Variants in IHO1 observed in about 807,000 individuals in gnomAD.
IHO1 encodes the protein interactor of HORMAD1 1, also known as interactor of HORMAD1 protein 1.
Under a neutral mutation model 31.0 loss-of-function variants are expected in IHO1, and 13 were observed. The observed-to-expected ratio is 0.42, with a 90% CI of 0.27 to 0.67. IHO1 has a LOEUF of 0.67. IHO1 is among the 30% of genes least tolerant of loss of function. The pLI is 0.24. For synonymous variants in IHO1, 221 were observed against 248.4 expected (o/e 0.89, Z 1.04); for missense variants, 599 against 687.5 (o/e 0.87, Z 1.44).
chr3:49,231,972 C>T (rs1363779997), intron 2 of IHO1, among the ~76,000 whole-genome samples: 3 of 152,160 alleles, frequency 2.0e-5, no homozygotes, highest in Admixed American at 6.6e-5. Flanking sequence ...ACACATGTTC[C>T]GTCGTTTGGG....
At chr3:49,231,034 T>C (rs1056599368) in intron 2 of IHO1, among the ~76,000 whole-genome samples, 7 of 152,192 alleles carry the variant, frequency 4.6e-5, no homozygotes, top group African/African-American at 1.7e-4. Flanking sequence ...TTTTTCCAGC[T>C]CATCATTCAC....
chr3:49,203,094 A>G (rs1338563588), intron 1 of IHO1, among the ~76,000 whole-genome samples: 1 of 151,916 alleles, frequency 6.6e-6, no homozygotes, highest in African/African-American at 2.4e-5. Flanking sequence ...CTTGAACTCC[A>G]GAGCTCAGAC....
intron 2 of IHO1, among the ~76,000 whole-genome samples, chr3:49,232,407 G>T (rs1322370396): frequency 1.3e-5 from 2 of 152,226 alleles, no homozygotes; most frequent in East Asian, 3.8e-4. Context: ...CAGCTACAAA[G>T]ACAGAAGCAG....
At chr3:49,250,471 T>G (rs1464540869) in intron 6 of IHO1, among the ~76,000 whole-genome samples, 3 of 152,188 alleles carry the variant, frequency 2.0e-5, no homozygotes, top group African/African-American at 7.2e-5. Flanking sequence ...ATCAAACACT[T>G]TGCTTGCCTT....
intron 6 of IHO1, among the ~76,000 whole-genome samples, chr3:49,246,113 C>T (rs1479918718): frequency 6.7e-5 from 9 of 133,740 alleles, no homozygotes; most frequent in African/African-American, 1.9e-4. Flanking sequence ...ATCTGGGAGG[C>T]GGAGGTGGCA....
At chr3:49,220,922 C>A (rs557826921) in intron 2 of IHO1, among the ~76,000 whole-genome samples, 1 of 152,148 alleles carries the variant, frequency 6.6e-6, no homozygotes, top group Non-Finnish European at 1.5e-5. Flanking sequence ...AGCAAAAGAA[C>A]AAATCTTCCA....
chr3:49,220,142 G>A (rs1007647097), intron 2 of IHO1, among the ~76,000 whole-genome samples: 4 of 152,198 alleles, frequency 2.6e-5, no homozygotes, highest in African/African-American at 9.7e-5. Context: ...TAGAGGCTTG[G>A]CAGTTCTCTG....
chr3:49,237,608 A>G (rs1042193086), intron 3 of IHO1, among the ~76,000 whole-genome samples: 3 of 151,794 alleles, frequency 2.0e-5, no homozygotes, highest in African/African-American at 7.3e-5. Context: ...AAATATATAT[A>G]CATATATATT....
At chr3:49,255,558 CTTT>C (rs11344456) in intron 7 of IHO1, 65 bp downstream of exon 7, 14,841 of 350,058 alleles carry the variant, frequency 0.042, 1 homozygote, top group South Asian at 0.063. Context: ...CAGAGAGAAA[CTTT>C]TTTTTTTTTT....
chr3:49,256,322 A>C lies in IHO1; in HGVS notation c.825A>C (p.Pro275=). 6.2e-7 allele frequency: 1 copy of C among 1,614,146 alleles called. No individual in the cohort carries two copies. The highest frequency in any genetic ancestry group is 8.5e-7 in the Non-Finnish European group (1 of 1,180,032). ...PVKDSASQTS[P]PLAQSLNLTR... is the part of the protein sequence containing the mutation. ...AAGACAGTGCTTCTCAGACGTCGCC[A>C]CCTTTGGCCCAGAGCCTCAATCTCA... Residue 275 remains proline, a synonymous_variant, in exon 8 of 8, where the codon CCA becomes CCC. Coordinates refer to ENST00000452691, the MANE Select transcript of IHO1 (RefSeq NM_001135197.2). This position sits in a 1 kb window ranked among gnomAD's most constrained non-coding sequence, Gnocchi z 4.6.
Position 49,257,296 on chromosome 3 carries a change from G to GATT in IHO1, c.*15_*17dup. The GATT allele has an allele frequency of 6.2e-7, 1 of 1,606,028 alleles. No individual in the cohort carries two copies. The highest frequency in any genetic ancestry group is 8.5e-7 in the Non-Finnish European group (1 of 1,175,116). ...GATGGCTTCTGACCAGTCCACAGTT[G>GATT]ATTTATTGGTCTCAGCTAGAAAGAG... On this transcript the variant is annotated 3_prime_UTR_variant, in exon 8 of 8. Coordinates refer to ENST00000452691, the MANE Select transcript of IHO1 (RefSeq NM_001135197.2).
intron 2 of IHO1, among the ~76,000 whole-genome samples, chr3:49,231,350 A>G (rs1358811419): frequency 1.3e-5 from 2 of 152,220 alleles, no homozygotes; most frequent in Admixed American, 1.3e-4. Flanking sequence ...AACTAATTGG[A>G]TTCTCCCTAA....
At chr3:49,241,991 T>C (rs557081280) in intron 4 of IHO1, among the ~76,000 whole-genome samples, 1 of 152,210 alleles carries the variant, frequency 6.6e-6, no homozygotes, top group Non-Finnish European at 1.5e-5. Context: ...TTGTCCAGAC[T>C]GGAGTGCAAT....
At chr3:49,252,268 G>T in intron 6 of IHO1, 1 of 156,004 alleles carries the variant, frequency 6.4e-6, no homozygotes. Flanking sequence ...TAGTGTTTGT[G>T]AATTTACACA....
chr3:49,217,657 AG>A (rs1417783622), intron 2 of IHO1, among the ~76,000 whole-genome samples: 1 of 150,200 alleles, frequency 6.7e-6, no homozygotes, highest in African/African-American at 2.5e-5. Flanking sequence ...AAAAAAAAAA[AG>A]AAAAAATTAT....
At chr3:49,195,910 C>T (rs2045993849), upstream of IHO1, among the ~76,000 whole-genome samples, 1 of 150,272 alleles carries the variant, frequency 6.7e-6, no homozygotes, top group South Asian at 2.1e-4. Context: ...ACCATCCTGG[C>T]TAACACAGTG....
chr3:49,255,638 C>T (rs560336946), intron 7 of IHO1, 145 bp downstream of exon 7: 2 of 522,466 alleles, frequency 3.8e-6, no homozygotes. Flanking sequence ...CAACCTCCGC[C>T]TCCCATGTTC....
chr3:49,193,186 C>T, the IHO1 span, among the ~76,000 whole-genome samples: 4 of 151,566 alleles, frequency 2.6e-5, no homozygotes. Context: ...GCCTAGGCAA[C>T]ATGGTGAAAC....
chr3:49,256,497 G>C lies in IHO1; in HGVS notation c.1000G>C (p.Ala334Pro), dbSNP rs757583997. 2.5e-6 allele frequency: 4 copies of C among 1,614,060 alleles called. No individual in the cohort carries two copies. Among genetic ancestry groups the C allele is most frequent in the Non-Finnish European group, 3.4e-6 (4 of 1,180,056 alleles). Residue 334 changes from alanine to proline, a missense_variant, in exon 8 of 8, where the codon GCT becomes CCT. Transcript: ENST00000452691. This position sits in a 1 kb window ranked among gnomAD's most constrained non-coding sequence, Gnocchi z 4.6. ...AAAGAATGATGATCTCCAAGAAGAG[G>C]CTGCACTGCCAGCATTTGGGTCCCA... ...GAKNDDLQEE[A>P]ALPAFGSHER... is the part of the protein sequence containing the mutation.
Sources: allele counts gnomAD v4.1 joint callset (sites outside exome capture counted in the v4.1 genomes callset), GRCh38; gene constraint gnomAD v4.1.1; non-coding constraint Gnocchi (gnomAD v3.1); transcripts MANE v1.5; gene names NCBI Gene and HGNC (gene_info 2026-07-23, HGNC 2026-07-21).